Variants in MIGA1 observed in about 807,000 individuals in gnomAD.
The protein encoded by MIGA1 is family with sequence similarity 73, member A.
In MIGA1, 58 loss-of-function variants were observed where a neutral mutation model predicts 82.0. The ratio of observed to expected loss-of-function variants is 0.71; its 90% CI spans 0.57 to 0.88. The LOEUF is 0.88. MIGA1 is among the 40% of genes least tolerant of loss of function. The probability of loss-of-function intolerance (pLI) is 0.00; values close to 1 mark genes in which losing one functional copy is unlikely to be tolerated. For missense variants in MIGA1, 751 were observed against 749.1 expected, an observed-to-expected ratio of 1.00 and a Z score of -0.03; for synonymous variants, 249 against 253.6, an observed-to-expected ratio of 0.98 and a Z score of 0.17.
intron 14 of MIGA1, among the ~76,000 whole-genome samples, chr1:77,870,343 C>CA (rs1226693927): frequency 1.7e-5 from 2 of 118,420 alleles, no homozygotes; most frequent in African/African-American, 6.2e-5. Context: ...GGTTGCCAGG[C>CA]AGAGGGTTTC....
chr1:77,863,848 G>T, intron 12 of MIGA1, 46 bp from the exon 13 acceptor site: 14 of 1,381,950 alleles, frequency 1.0e-5, no homozygotes, highest in Non-Finnish European at 1.4e-5. Flanking sequence ...TTTTATTTCA[G>T]CTCTATGTAA....
Position 77,867,460 on chromosome 1 carries a change from T to C in MIGA1, c.1563+1069T>C, listed in dbSNP as rs541029295. ...TTCTGCCTCATCCTCCCTGAGTTGCTAGGACTACAGGTGCACACCACCATG... is the reference window on the plus strand; with the variant it reads ...TTCTGCCTCATCCTCCCTGAGTTGCCAGGACTACAGGTGCACACCACCATG... On this transcript the variant is annotated intron_variant, in intron 14 of 15. Coordinates refer to ENST00000370791, the MANE Select transcript of MIGA1 (RefSeq NM_198549.4). Among the ~76,000 whole-genome samples the C allele has an allele frequency of 1.3e-4, 20 of 152,308 alleles. No individual in the cohort carries two copies. The East Asian group carries it at 2.9e-3, about 22-fold the overall frequency.
chr1:77,809,352 T>G (rs1416770354), intron 5 of MIGA1, among the ~76,000 whole-genome samples: 1 of 152,138 alleles, frequency 6.6e-6, no homozygotes, highest in Non-Finnish European at 1.5e-5. Flanking sequence ...CTGATGATAT[T>G]TGGTAGTCTG....
intron 7 of MIGA1, among the ~76,000 whole-genome samples, chr1:77,820,979 C>T (rs992254957): frequency 6.6e-6 from 1 of 151,790 alleles, no homozygotes; most frequent in African/African-American, 2.4e-5. Flanking sequence ...ACTAAAAATA[C>T]AAAAATTAGC....
intron 8 of MIGA1, among the ~76,000 whole-genome samples, chr1:77,857,028 T>C (rs1180884835): frequency 1.3e-5 from 2 of 152,200 alleles, no homozygotes; most frequent in African/African-American, 4.8e-5. Flanking sequence ...TGAACTTTCC[T>C]CTTAGTACCA....
At chr1:77,832,934 T>G (rs1388379425) in intron 7 of MIGA1, among the ~76,000 whole-genome samples, 1 of 152,220 alleles carries the variant, frequency 6.6e-6, no homozygotes, top group Non-Finnish European at 1.5e-5. Flanking sequence ...AAGGGAAAAT[T>G]AGAGATTTTG....
At chr1:77,780,720 C>T (rs1681868763) in intron 1 of MIGA1, among the ~76,000 whole-genome samples, 1 of 151,416 alleles carries the variant, frequency 6.6e-6, no homozygotes, top group Non-Finnish European at 1.5e-5. Context: ...TCATGAAACC[C>T]CCTTCATGTT....
At position 77,859,824 on chromosome 1, in the gene MIGA1, T is replaced by C; in HGVS notation, c.1189-216T>C. ...CTGTAATATGATTTTGAACAGAATT[T>C]AAATTCAAATTTAACTCCCTTTAAT... On this transcript the variant is annotated intron_variant, in intron 10 of 15. Transcript: ENST00000370791. 4 of 458,220 alleles carry C rather than the reference T, an allele frequency of 8.7e-6. No homozygotes were observed. The South Asian group carries it at 1.8e-4, about 21-fold the overall frequency. 28.4% of individuals were successfully genotyped at this position (458,220 alleles called of 1,614,324 possible). A position where few individuals can be genotyped will look rare whatever the true frequency, so the allele number is the denominator to read the frequency against.
At chr1:77,805,825 G>A (rs79661125) in intron 4 of MIGA1, among the ~76,000 whole-genome samples, 7,606 of 152,214 alleles carry the variant, frequency 0.05, 267 homozygotes, top group African/African-American at 0.1. Flanking sequence ...CCTGGCCAGA[G>A]TATGCCTGTT....
At position 77,863,896 on chromosome 1, in the gene MIGA1, G is replaced by A. The variant is rs142999590; in HGVS notation, c.1377G>A (p.Val459=). ...TTTCAACTCATAATTTAATGCAGGT[G>A]AAAAATCTAAATTTTTATGATGTTG... The change falls in exon 13 of 16, where the codon GTG becomes GTA. Residue 459 remains valine, a splice_region_variant and synonymous_variant. Transcript: ENST00000370791. The A allele has an allele frequency of 1.9e-6, 3 of 1,549,604 alleles. No homozygotes were observed. The highest frequency in any genetic ancestry group is 2.8e-5 in the African/African-American group (2 of 71,508).
chr1:77,842,079 G>C (rs1684651389), intron 7 of MIGA1, among the ~76,000 whole-genome samples: 1 of 151,730 alleles, frequency 6.6e-6, no homozygotes, highest in African/African-American at 2.4e-5. Flanking sequence ...AGCTACCTCA[G>C]CCAGCTGGTT....
intron 7 of MIGA1, 146 bp from the exon 8 acceptor site, chr1:77,843,161 T>G: frequency 1.9e-6 from 1 of 529,850 alleles, no homozygotes; most frequent in South Asian, 3.1e-5. Flanking sequence ...TCAGATTCAG[T>G]TAAACAATGG....
chr1:77,785,073 A>T (rs187016599), intron 2 of MIGA1, among the ~76,000 whole-genome samples: 311 of 152,224 alleles, frequency 2.0e-3, no homozygotes, highest in Non-Finnish European at 3.4e-3. Context: ...ATGTCCTCAC[A>T]TTTCAGAAGC....
At chr1:77,869,738 A>AC (rs71075770) in intron 14 of MIGA1, among the ~76,000 whole-genome samples, 1,148 of 28,506 alleles carry the variant, frequency 0.04, 162 homozygotes, top group Admixed American at 0.1. Flanking sequence ...CGGCTGGCCG[A>AC]CCCCCCCCCC....
intron 8 of MIGA1, among the ~76,000 whole-genome samples, chr1:77,851,649 A>C (rs79884957): frequency 1.3e-5 from 2 of 152,164 alleles, no homozygotes; most frequent in Non-Finnish European, 2.9e-5. Context: ...TGAAGAGTCA[A>C]TAATGTTAGC....
intron 2 of MIGA1, among the ~76,000 whole-genome samples, chr1:77,796,565 G>T (rs549036183): frequency 1.3e-5 from 2 of 152,256 alleles, no homozygotes; most frequent in Admixed American, 1.3e-4. Flanking sequence ...TGAGACTACA[G>T]GCAGGTACCA....
At position 77,871,877 on chromosome 1, in the gene MIGA1, A is replaced by G. The variant is rs1237983088; in HGVS notation, c.1564-1127A>G. 2.0e-5 allele frequency among the ~76,000 whole-genome samples: 3 copies of G among 152,194 alleles called. No individual in the cohort carries two copies. The South Asian group carries it at 6.2e-4, about 31-fold the overall frequency. On this transcript the variant is annotated intron_variant, in intron 14 of 15. Coordinates refer to ENST00000370791, the MANE Select transcript of MIGA1 (RefSeq NM_198549.4). ...GATTGAGTTGGGCTTTTAAATAGCT[A>G]AAACTTTGATAGTCTTAATAATCCC...
At chr1:77,803,872 C>T (rs1682986019) in intron 4 of MIGA1, among the ~76,000 whole-genome samples, 1 of 151,738 alleles carries the variant, frequency 6.6e-6, no homozygotes, top group South Asian at 2.1e-4. Flanking sequence ...CTGCAGTCAA[C>T]ACAAAGTATT....
intron 5 of MIGA1, chr1:77,810,930 T>C: frequency 6.2e-7 from 1 of 1,612,032 alleles, no homozygotes; most frequent in Non-Finnish European, 8.5e-7. Context: ...GCAATTTCTT[T>C]CTTTTAAAGT....
Sources: allele counts gnomAD v4.1 joint callset (sites outside exome capture counted in the v4.1 genomes callset), GRCh38; gene constraint gnomAD v4.1.1; transcripts MANE v1.5; gene names NCBI Gene and HGNC (gene_info 2026-07-23, HGNC 2026-07-21).